The following CEP63 variants were observed in gnomAD, a reference collection of about 807,000 sequenced individuals.
The protein encoded by CEP63 is centrosomal protein 63, also known as centrosomal protein of 63 kDa.
Under a neutral mutation model 89.1 loss-of-function variants are expected in CEP63, and 84 were observed. The observed-to-expected ratio is 0.94, with a 90% CI of 0.79 to 1.13. The LOEUF is 1.13. Ranked by LOEUF, CEP63 falls within the 50% of genes most tolerant of loss-of-function variation. The pLI is 0.00. For missense variants in CEP63, 838 were observed against 813.3 expected (o/e 1.03, Z -0.37); for synonymous variants, 267 against 272.5 (o/e 0.98, Z 0.20).
chr3:134,734,735 C>A, the CEP63 span, among the ~76,000 whole-genome samples: 1 of 152,116 alleles, frequency 6.6e-6, no homozygotes, highest in Admixed American at 6.5e-5. Flanking sequence ...TATTTATGTT[C>A]TATAAAGTTG....
At chr3:134,766,608 A>G in the CEP63 span, among the ~76,000 whole-genome samples, 1 of 152,246 alleles carries the variant, frequency 6.6e-6, no homozygotes, top group African/African-American at 2.4e-5. Context: ...TGACAGAAAG[A>G]ATTGGGCTAT....
the CEP63 span, among the ~76,000 whole-genome samples, chr3:134,721,299 C>T: frequency 2.8e-4 from 42 of 152,116 alleles, no homozygotes; most frequent in African/African-American, 9.4e-4. Context: ...GTATAAAATA[C>T]AGTTGATTGT....
chr3:134,685,067 A>G, the CEP63 span, among the ~76,000 whole-genome samples: 1 of 152,186 alleles, frequency 6.6e-6, no homozygotes, highest in Non-Finnish European at 1.5e-5. Flanking sequence ...ATATGTTCTA[A>G]CATAAATATT....
the CEP63 span, among the ~76,000 whole-genome samples, chr3:134,717,548 C>T: frequency 6.6e-6 from 1 of 152,124 alleles, no homozygotes; most frequent in Non-Finnish European, 1.5e-5. Flanking sequence ...TAATGTCTCC[C>T]AGGAGAGTGT....
At chr3:134,524,332 C>T (rs1948174959) in intron 3 of CEP63, among the ~76,000 whole-genome samples, 1 of 152,154 alleles carries the variant, frequency 6.6e-6, no homozygotes, top group Non-Finnish European at 1.5e-5. Context: ...CGTCTACAAA[C>T]AGGAATAGTT....
chr3:134,505,349 G>A (rs1166338065), intron 2 of CEP63, among the ~76,000 whole-genome samples: 1 of 152,030 alleles, frequency 6.6e-6, no homozygotes, highest in East Asian at 1.9e-4. Flanking sequence ...GTGCAAGAGT[G>A]TAGTTTCTAT....
At chr3:134,751,378 T>C in the CEP63 span, among the ~76,000 whole-genome samples, 1 of 152,234 alleles carries the variant, frequency 6.6e-6, no homozygotes, top group African/African-American at 2.4e-5. Context: ...TTTGAGTAAA[T>C]ATCTATGAGT....
chr3:134,488,872 C>T (rs556344569), intron 1 of CEP63, among the ~76,000 whole-genome samples: 82 of 151,600 alleles, frequency 5.4e-4, no homozygotes, highest in Admixed American at 1.2e-3. Context: ...AAATTCAGTT[C>T]CTAGGCTGGG....
the CEP63 span, among the ~76,000 whole-genome samples, chr3:134,697,335 G>A: frequency 6.6e-6 from 1 of 152,120 alleles, no homozygotes; most frequent in African/African-American, 2.4e-5. Context: ...TCATAACACT[G>A]TGGGATAAAA....
At chr3:134,741,029 G>A in the CEP63 span, among the ~76,000 whole-genome samples, 1 of 152,164 alleles carries the variant, frequency 6.6e-6, no homozygotes, top group Non-Finnish European at 1.5e-5. Flanking sequence ...ATGGTGGTGG[G>A]AGGGGTGGGG....
At chr3:134,707,442 C>A in the CEP63 span, among the ~76,000 whole-genome samples, 1 of 152,158 alleles carries the variant, frequency 6.6e-6, no homozygotes, top group Non-Finnish European at 1.5e-5. Context: ...ATAGCACAAG[C>A]AATTGGATGA....
chr3:134,713,096 A>G, the CEP63 span, among the ~76,000 whole-genome samples: 2 of 152,108 alleles, frequency 1.3e-5, no homozygotes. Context: ...AAACTTAACA[A>G]ACGTTTGTTT....
intron 6 of CEP63, among the ~76,000 whole-genome samples, chr3:134,545,076 C>T (rs1952963058): frequency 6.6e-6 from 1 of 152,116 alleles, no homozygotes; most frequent in East Asian, 1.9e-4. Flanking sequence ...TCACTGCAAC[C>T]TCCAACTCCC....
At chr3:134,600,140 C>T in the CEP63 span, among the ~76,000 whole-genome samples, 1 of 152,162 alleles carries the variant, frequency 6.6e-6, no homozygotes, top group Non-Finnish European at 1.5e-5. Flanking sequence ...GAAAATTTTG[C>T]CAATAGCAAA....
At chr3:134,594,739 A>C in the CEP63 span, among the ~76,000 whole-genome samples, 1 of 152,358 alleles carries the variant, frequency 6.6e-6, no homozygotes, top group East Asian at 1.9e-4. Context: ...CAACCCAGAG[A>C]TCTATCATTT....
At chr3:134,537,371 C>T in intron 6 of CEP63, 103 bp downstream of exon 6, 1 of 758,932 alleles carries the variant, frequency 1.3e-6, no homozygotes, top group South Asian at 1.4e-5. Context: ...CTTTCAGCTT[C>T]TCTCCACGAA....
At chr3:134,568,997 A>G (rs535971042), downstream of CEP63, among the ~76,000 whole-genome samples, 6 of 152,318 alleles carry the variant, frequency 3.9e-5, no homozygotes, top group South Asian at 1.2e-3. Context: ...CAGCAGGCAT[A>G]AAGAGATCCT....
the CEP63 span, among the ~76,000 whole-genome samples, chr3:134,746,309 T>A: frequency 6.6e-6 from 1 of 152,224 alleles, no homozygotes. Flanking sequence ...ATTTTCTTAA[T>A]CCAGTCTATC....
chr3:134,554,983 A>G (rs1249969361), intron 12 of CEP63, among the ~76,000 whole-genome samples: 2 of 152,170 alleles, frequency 1.3e-5, no homozygotes, highest in African/African-American at 4.8e-5. Context: ...TCTGGATATT[A>G]GCCCTTTGTC....
Sources: allele counts gnomAD v4.1 joint callset (sites outside exome capture counted in the v4.1 genomes callset), GRCh38; gene constraint gnomAD v4.1.1; transcripts MANE v1.5; gene names NCBI Gene and HGNC (gene_info 2026-07-23, HGNC 2026-07-21).